GPR161: variants seen among roughly 807,000 people sequenced by gnomAD.
GPR161 encodes the protein G-protein coupled receptor RE2.
Under a neutral mutation model 39.2 loss-of-function variants are expected in GPR161, and 25 were observed. The observed-to-expected ratio is 0.64, with a 90% CI of 0.47 to 0.89. The LOEUF (loss-of-function observed/expected upper bound fraction) is 0.89. Ranked by LOEUF, GPR161 falls within the 40% of genes least tolerant of loss-of-function variation. The pLI, the probability that GPR161 is intolerant of heterozygous loss-of-function variation, is 0.00. For synonymous variants in GPR161, 286 were observed against 276.6 expected (o/e 1.03, Z -0.34); for missense variants, 547 against 677.8 (o/e 0.81, Z 2.14).
rs1694177027 is a variant in GPR161 at position 168,082,943 on chromosome 1, C to G, written c.*2588G>C. 6.6e-6 allele frequency: 1 copy of G among 152,120 alleles called. No individual in the cohort carries two copies. The highest frequency in any genetic ancestry group is 2.4e-5 in the African/African-American group (1 of 41,420). The allele number at this position is 152,120 out of a possible 1,614,324, so 9.4% of individuals were successfully genotyped here. A position where few individuals can be genotyped will look rare whatever the true frequency, so the allele number is the denominator to read the frequency against. ...AGCTGAATAAAGGCAAATTTGAATT[C>G]CTGAATATGGAAAATATGGTTCTAG... On this transcript the variant is annotated 3_prime_UTR_variant, in exon 6 of 6. Transcript: ENST00000682931.
chr1:168,106,832 A>G (rs1696664242), intron 1 of GPR161, among the ~76,000 whole-genome samples: 1 of 152,158 alleles, frequency 6.6e-6, no homozygotes, highest in African/African-American at 2.4e-5. Flanking sequence ...GTAACATATT[A>G]GTTACTCCAG....
intron 1 of GPR161, among the ~76,000 whole-genome samples, chr1:168,107,059 A>G (rs1340425304): frequency 7.5e-6 from 1 of 133,746 alleles, no homozygotes; most frequent in Non-Finnish European, 1.7e-5. Context: ...AAGCCTACAC[A>G]TGTACCCCCA....
Position 168,085,623 on chromosome 1 carries a change from C to T in GPR161, c.1498G>A (p.Gly500Arg), listed in dbSNP as rs930194782. Residue 500 changes from glycine to arginine, a missense_variant, in exon 6 of 6, where the codon GGG (glycine) becomes AGG (arginine). Coordinates refer to ENST00000682931, the MANE Select transcript of GPR161 (RefSeq NM_001375883.1). ...TARTVPGGGF[G>R]GRRGSRTLVS... ...AGAGTTCTGCTGCCTCGGCGGCCCC[C>T]GAAGCCGCCCCCCGGGACAGTCCGT... 4 of 1,613,910 alleles carry T rather than the reference C, an allele frequency of 2.5e-6. No homozygotes were observed. Among genetic ancestry groups the T allele is most frequent in the African/African-American group, 1.3e-5 (1 of 75,066 alleles).
chr1:168,106,655 T>C (rs1432520675), intron 1 of GPR161, among the ~76,000 whole-genome samples: 1 of 152,224 alleles, frequency 6.6e-6, no homozygotes, highest in Non-Finnish European at 1.5e-5. Flanking sequence ...AACCCCAAAG[T>C]TTATACATAC....
intron 1 of GPR161, among the ~76,000 whole-genome samples, chr1:168,110,398 A>C (rs575785115): frequency 2.0e-5 from 3 of 149,750 alleles, no homozygotes; most frequent in Admixed American, 1.3e-4. Context: ...TGGGAGGCTG[A>C]GGTTGGAGAA....
At chr1:168,120,687 T>C (rs1245894128) in intron 1 of GPR161, among the ~76,000 whole-genome samples, 1 of 152,130 alleles carries the variant, frequency 6.6e-6, no homozygotes, top group East Asian at 1.9e-4. Flanking sequence ...GATTGGATCA[T>C]GGAGGCGATT....
intron 1 of GPR161, among the ~76,000 whole-genome samples, chr1:168,110,816 C>T (rs1419966204): frequency 2.6e-5 from 4 of 151,206 alleles, no homozygotes; most frequent in Admixed American, 6.6e-5. Flanking sequence ...CCCAGCTACT[C>T]AGGAGGCTGA....
intron 1 of GPR161, among the ~76,000 whole-genome samples, chr1:168,105,791 A>G (rs1202849671): frequency 6.6e-6 from 1 of 152,184 alleles, no homozygotes; most frequent in Non-Finnish European, 1.5e-5. Context: ...ATGTTTCTCC[A>G]AAACTCTTCA....
chr1:168,106,374 C>T (rs1367552139), intron 1 of GPR161, among the ~76,000 whole-genome samples: 1 of 152,210 alleles, frequency 6.6e-6, no homozygotes, highest in Non-Finnish European at 1.5e-5. Flanking sequence ...ACTGCTTGAG[C>T]TCAGGAGTTT....
chr1:168,125,147 C>T (rs974667375), intron 1 of GPR161, among the ~76,000 whole-genome samples: 2 of 152,196 alleles, frequency 1.3e-5, no homozygotes, highest in Non-Finnish European at 2.9e-5. Flanking sequence ...TAAAAGTATA[C>T]TTATCTGCAG....
intron 1 of GPR161, among the ~76,000 whole-genome samples, chr1:168,132,559 G>C (rs952840783): frequency 6.7e-6 from 1 of 149,918 alleles, no homozygotes; most frequent in African/African-American, 2.5e-5. Flanking sequence ...CTGAACTCCA[G>C]CCTGGGTGAC....
intron 1 of GPR161, among the ~76,000 whole-genome samples, chr1:168,132,676 C>T (rs1302222952): frequency 6.6e-6 from 1 of 151,674 alleles, no homozygotes; most frequent in Non-Finnish European, 1.5e-5. Context: ...ATATAATATG[C>T]TATCATATTT....
intron 1 of GPR161, among the ~76,000 whole-genome samples, chr1:168,124,782 C>A (rs1234391660): frequency 6.6e-6 from 1 of 152,184 alleles, no homozygotes; most frequent in African/African-American, 2.4e-5. Context: ...TTGGTGCCAT[C>A]CCCATAGTAA....
intron 1 of GPR161, among the ~76,000 whole-genome samples, chr1:168,126,886 C>T (rs1053614491): frequency 3.3e-5 from 5 of 152,188 alleles, no homozygotes; most frequent in African/African-American, 1.2e-4. Flanking sequence ...ATTTCCCCTA[C>T]ACTAATATCC....
Position 168,096,969 on chromosome 1 carries a change from C to A in GPR161, c.638G>T (p.Arg213Leu). 1 of 1,614,118 alleles carries A rather than the reference C, an allele frequency of 6.2e-7. No individual in the cohort carries two copies. The highest frequency in any genetic ancestry group is 8.5e-7 in the Non-Finnish European group (1 of 1,180,036). Residue 213 changes from arginine (R) to leucine (L), a missense_variant, in exon 3 of 6, where the codon CGC (arginine) becomes CTC (leucine). By Grantham distance (102) the Arg-to-Leu change is moderately radical. Transcript: ENST00000682931. Reference protein sequence around the residue: ...VMLVCYGFIFRVARVKARKVH... With the variant: ...VMLVCYGFIFLVARVKARKVH... ...CTTGCGTGCCTTGACCCTGGCCACGCGGAAGATGAAGCCATAGCACACCAG... is the reference window on the plus strand; with the variant it reads ...CTTGCGTGCCTTGACCCTGGCCACGAGGAAGATGAAGCCATAGCACACCAG...
intron 3 of GPR161, among the ~76,000 whole-genome samples, chr1:168,091,184 C>G (rs1285073386): frequency 6.6e-6 from 1 of 152,022 alleles, no homozygotes; most frequent in East Asian, 1.9e-4. Flanking sequence ...TTGGGAGAGG[C>G]AGGCTTCACC....
intron 1 of GPR161, among the ~76,000 whole-genome samples, chr1:168,108,497 A>AAAAAAAAAAAAAC (rs1470661481): frequency 2.1e-5 from 3 of 142,410 alleles, no homozygotes; most frequent in East Asian, 3.9e-4. Context: ...AAAAAAAAAA[A>AAAAAAAAAAAAAC]AAAAAAAAAA....
intron 1 of GPR161, among the ~76,000 whole-genome samples, chr1:168,105,169 T>G (rs1198311681): frequency 1.3e-5 from 2 of 152,192 alleles, no homozygotes; most frequent in Non-Finnish European, 2.9e-5. Flanking sequence ...AAACCTTTAA[T>G]GTGCTGAAGA....
In GPR161 at chr1:168,085,832, A is replaced by G. The variant is rs775971180; in HGVS notation, c.1325-36T>C. On this transcript the variant is annotated intron_variant, in intron 5 of 5. Coordinates refer to ENST00000682931, the MANE Select transcript of GPR161 (RefSeq NM_001375883.1). ...AGGCAGAAAAAAAAGTCAGCTGAGG[A>G]GCCAGGCCTGGGGACTACCTTGGGG... The G allele has an allele frequency of 3.8e-6, 6 of 1,580,124 alleles. No individual in the cohort carries two copies. In the South Asian group the frequency reaches 5.7e-5, roughly 15 times the overall value.
Sources: allele counts gnomAD v4.1 joint callset (sites outside exome capture counted in the v4.1 genomes callset), GRCh38; gene constraint gnomAD v4.1.1; transcripts MANE v1.5; gene names NCBI Gene and HGNC (gene_info 2026-07-23, HGNC 2026-07-21).